The following MPRIP variants were observed in gnomAD, a reference collection of about 807,000 sequenced individuals.
MPRIP encodes the protein myosin phosphatase Rho-interacting protein.
Under a neutral mutation model 234.9 loss-of-function variants are expected in MPRIP, and 59 were observed. That is an observed-to-expected ratio of 0.25 (90% CI 0.20 to 0.31). MPRIP has a LOEUF of 0.31. Ranked by LOEUF, MPRIP falls within the 10% of genes least tolerant of loss-of-function variation. The probability of loss-of-function intolerance (pLI) is 1.00; values close to 1 mark genes in which losing one functional copy is unlikely to be tolerated. For synonymous variants in MPRIP, 1,144 were observed against 1,263.9 expected, an observed-to-expected ratio of 0.91 and a Z score of 2.01; for missense variants, 2,436 against 3,071.0, an observed-to-expected ratio of 0.79 and a Z score of 4.89.
intron 23 of MPRIP, chr17:17,183,127 C>G (rs1245686154): frequency 1.3e-5 from 2 of 152,346 alleles, no homozygotes; most frequent in African/African-American, 2.4e-5. Flanking sequence ...CAGCCACTCT[C>G]TGTGGCAGGC....
At chr17:17,169,394 G>A (rs973784350) in intron 16 of MPRIP, among the ~76,000 whole-genome samples, 15 of 152,298 alleles carry the variant, frequency 9.8e-5, no homozygotes, top group Non-Finnish European at 1.0e-4. Context: ...CCTCCACACC[G>A]AGGCTGCTTT....
chr17:17,105,163 T>A (rs535504555), intron 3 of MPRIP, among the ~76,000 whole-genome samples: 1 of 152,330 alleles, frequency 6.6e-6, no homozygotes, highest in East Asian at 1.9e-4. Flanking sequence ...GGGATGGGCA[T>A]CGCTTTCTCC....
intron 3 of MPRIP, among the ~76,000 whole-genome samples, chr17:17,089,896 G>A (rs528443295): frequency 2.1e-4 from 32 of 152,278 alleles, no homozygotes; most frequent in Non-Finnish European, 4.1e-4. Flanking sequence ...CTTTTGCTCC[G>A]GTTGGGGCAG....
chr17:17,045,316 A>G (rs1250483722), intron 1 of MPRIP, among the ~76,000 whole-genome samples: 1 of 152,080 alleles, frequency 6.6e-6, no homozygotes, highest in Non-Finnish European at 1.5e-5. Context: ...TTTGAGGTTT[A>G]TTTCCTCAGC....
At position 17,136,383 on chromosome 17, in the gene MPRIP, G is replaced by C. The variant is rs776660565; in HGVS notation, c.669G>C (p.Gln223His). ...ATGGCAGCAGCCTGAGTCCAGCTCA[G>C]AGTCCCAGCCAGAGCCAGCCTCCTG... is the stretch of plus-strand genomic sequence containing the variant. ...QPDGSSLSPA[Q>H]SPSQSQPPAA... Residue 223 changes from glutamine to histidine, a missense_variant, in exon 6 of 24, where the codon CAG (glutamine) becomes CAC (histidine). Physicochemically the swap from Gln to His is conservative, Grantham distance 24 (BLOSUM62 0). Around this residue, in one of 4 missense-constraint regions of MPRIP, gnomAD observed 31 missense variants for 90.7 expected, o/e 0.34. Transcript: ENST00000651222. 6.2e-7 allele frequency: 1 copy of C among 1,610,348 alleles called. No individual in the cohort carries two copies.
chr17:17,134,023 C>T (rs1303718974), intron 5 of MPRIP, among the ~76,000 whole-genome samples: 1 of 152,198 alleles, frequency 6.6e-6, no homozygotes, highest in Non-Finnish European at 1.5e-5. Flanking sequence ...TCTCCCAGCC[C>T]CCCAGGTTCT....
At chr17:17,159,888 A>G (rs1210446133) in intron 14 of MPRIP, among the ~76,000 whole-genome samples, 1 of 152,218 alleles carries the variant, frequency 6.6e-6, no homozygotes. Context: ...TATTAACTGT[A>G]TGAGGCTGAG....
chr17:17,144,442 C>T (rs544834265), intron 9 of MPRIP, among the ~76,000 whole-genome samples: 1 of 152,340 alleles, frequency 6.6e-6, no homozygotes, highest in Admixed American at 6.5e-5. Flanking sequence ...GCTGGGAGCG[C>T]CTTCCCCAAC....
At chr17:17,049,432 GCT>G (rs931122255) in intron 1 of MPRIP, among the ~76,000 whole-genome samples, 2 of 152,130 alleles carry the variant, frequency 1.3e-5, no homozygotes, top group African/African-American at 4.8e-5. Flanking sequence ...TACAAGAATC[GCT>G]CTCTCACACA....
intron 3 of MPRIP, among the ~76,000 whole-genome samples, chr17:17,093,703 GT>G (rs1409376128): frequency 2.0e-5 from 3 of 152,186 alleles, no homozygotes; most frequent in Non-Finnish European, 4.4e-5. Flanking sequence ...TACTAAAAGA[GT>G]TTTCTGCTCC....
chr17:17,128,791 G>A (rs2090542415), intron 4 of MPRIP, among the ~76,000 whole-genome samples: 1 of 152,154 alleles, frequency 6.6e-6, no homozygotes, highest in African/African-American at 2.4e-5. Context: ...TATGCACCCT[G>A]GGGACAAGTG....
chr17:17,079,586 G>A (rs1366375399), intron 3 of MPRIP, among the ~76,000 whole-genome samples: 1 of 152,208 alleles, frequency 6.6e-6, no homozygotes, highest in African/African-American at 2.4e-5. Context: ...TGACTGACTG[G>A]CTGAGTCCTG....
chr17:17,053,871 A>G (rs564194403), intron 1 of MPRIP, among the ~76,000 whole-genome samples: 3 of 152,236 alleles, frequency 2.0e-5, no homozygotes, highest in Non-Finnish European at 4.4e-5. Flanking sequence ...GGAAGTAGTC[A>G]GTTTGCCTTG....
At chr17:17,147,027 C>T (rs1212763025) in intron 10 of MPRIP, among the ~76,000 whole-genome samples, 2 of 152,256 alleles carry the variant, frequency 1.3e-5, no homozygotes, top group African/African-American at 4.8e-5. Context: ...CACGGCCTGG[C>T]CACCAGCCAC....
intron 17 of MPRIP, 143 bp from the exon 18 acceptor site, chr17:17,172,555 G>T: frequency 1.6e-6 from 1 of 628,330 alleles, no homozygotes. Flanking sequence ...GGGCCAGCCT[G>T]TCATGCAAAA....
chr17:17,049,540 C>T (rs1399931921), intron 1 of MPRIP, among the ~76,000 whole-genome samples: 1 of 151,948 alleles, frequency 6.6e-6, no homozygotes, highest in Admixed American at 6.6e-5. Context: ...TTATAAAGGA[C>T]TCTTCTTTTA....
intron 1 of MPRIP, among the ~76,000 whole-genome samples, chr17:17,074,518 A>G (rs1301057906): frequency 1.3e-5 from 2 of 152,256 alleles, no homozygotes; most frequent in Non-Finnish European, 2.9e-5. Flanking sequence ...TCACTCTCTT[A>G]AAGTATACAG....
chr17:17,050,994 A>G (rs938240993), intron 1 of MPRIP, among the ~76,000 whole-genome samples: 1 of 152,208 alleles, frequency 6.6e-6, no homozygotes, highest in Non-Finnish European at 1.5e-5. Context: ...ACTATAGTCC[A>G]AGGCCTATGT....
intron 3 of MPRIP, among the ~76,000 whole-genome samples, chr17:17,091,140 G>A (rs991494412): frequency 6.6e-6 from 1 of 152,030 alleles, no homozygotes; most frequent in Admixed American, 6.5e-5. Flanking sequence ...TGGAGGACAT[G>A]CTTGCCTGGC....
Sources: allele counts gnomAD v4.1 joint callset (sites outside exome capture counted in the v4.1 genomes callset), GRCh38; gene constraint gnomAD v4.1.1; regional missense constraint gnomAD v4.1.1; transcripts MANE v1.5; gene names NCBI Gene and HGNC (gene_info 2026-07-23, HGNC 2026-07-21).